The following MAS1 variants were observed in gnomAD, a reference collection of about 807,000 sequenced individuals.
MAS1 encodes the protein proto-oncogene Mas.
For missense variants in MAS1, 387 were observed against 409.7 expected, an observed-to-expected ratio of 0.94 and a Z score of 0.48; for synonymous variants, 163 against 164.2, an observed-to-expected ratio of 0.99 and a Z score of 0.05.
chr6:159,896,802 G>A, intron 1 of MAS1, among the ~76,000 whole-genome samples: 1 of 152,162 alleles, frequency 6.6e-6, no homozygotes, highest in East Asian at 1.9e-4. Context: ...AGCTAAACTA[G>A]AGACCAGAGT....
rs150307799 is a variant in MAS1 at position 159,894,068 on chromosome 6, T to C, written c.-244+2935T>C. On this transcript the variant is annotated intron_variant, in intron 1 of 2. Transcript: ENST00000674077. ...TGGAGATACCCAGGACATTTGGGTATATGGGTCTGACATGCTGGGGAGATG... is the reference window on the plus strand; with the variant it reads ...TGGAGATACCCAGGACATTTGGGTACATGGGTCTGACATGCTGGGGAGATG... Among the ~76,000 whole-genome samples the C allele has an allele frequency of 3.5e-3, 529 of 152,128 alleles. 2 individuals carry two copies. The highest frequency in any genetic ancestry group is 0.011 in the African/African-American group (446 of 41,484).
rs1281806844 is a variant in MAS1 at position 159,914,105 on chromosome 6, T to G, written c.*6172T>G. ...CCAACAGTTTTAATTATTTCTGGGG[T>G]TTTTTTGGTCAAATTTCTCATGTTG... On this transcript the variant is annotated 3_prime_UTR_variant, in exon 3 of 3. Transcript: ENST00000674077. 1.3e-5 allele frequency: 2 copies of G among 152,270 alleles called. No individual in the cohort carries two copies. Among genetic ancestry groups the G allele is most frequent in the African/African-American group, 2.4e-5 (1 of 41,556 alleles). 9.4% of individuals were successfully genotyped at this position (152,270 alleles called of 1,614,324 possible).
intron 1 of MAS1, among the ~76,000 whole-genome samples, chr6:159,895,764 G>A (rs1782748335): frequency 6.6e-6 from 1 of 152,172 alleles, no homozygotes; most frequent in South Asian, 2.1e-4. Context: ...TTTATATACT[G>A]TTGATGTTGG....
At chr6:159,898,716 TCCTC>T (rs1782790663) in intron 1 of MAS1, among the ~76,000 whole-genome samples, 1 of 132,112 alleles carries the variant, frequency 7.6e-6, no homozygotes, top group Non-Finnish European at 1.6e-5. Flanking sequence ...TCCTCCCTCT[TCCTC>T]CTCCTCCCTC....
Position 159,907,813 on chromosome 6 carries a change from TAAG to T in MAS1, c.866_868del (p.Lys289del), listed in dbSNP as rs1478171526. On this transcript the variant is annotated inframe_deletion, in exon 3 of 3. Transcript: ENST00000674077. ...TCATTTACTTCTTTGTGGGAAGCAG[TAAG>T]AAGAAGAGATTCAAGGAGTCCTTAA... 1.2e-6 allele frequency: 2 copies of T among 1,612,908 alleles called. No individual in the cohort carries two copies. Among genetic ancestry groups the T allele is most frequent in the Non-Finnish European group, 8.5e-7 (1 of 1,179,812 alleles).
chr6:159,894,495 C>T (rs902065960), intron 1 of MAS1, among the ~76,000 whole-genome samples: 4 of 150,724 alleles, frequency 2.7e-5, no homozygotes, highest in Non-Finnish European at 3.0e-5. Context: ...AGAGATCCAG[C>T]GAAGGAGAAA....
chr6:159,897,269 G>T (rs753415353), intron 1 of MAS1, among the ~76,000 whole-genome samples: 9 of 152,150 alleles, frequency 5.9e-5, no homozygotes, highest in Non-Finnish European at 1.2e-4. Context: ...GTCACAGGAA[G>T]TTCAAGCAGT....
In MAS1 at chr6:159,914,944, A is replaced by G. The variant is rs979771276; in HGVS notation, c.*7011A>G. ...GGGAGTGGTGGCACAGTCCGAATTG[A>G]TTGTTTCTCTTACCAGTTCTGGCTT... On this transcript the variant is annotated 3_prime_UTR_variant, in exon 3 of 3. Transcript: ENST00000674077. The G allele has an allele frequency of 5.3e-5, 8 of 152,122 alleles. No homozygotes were observed. The highest frequency in any genetic ancestry group is 8.8e-5 in the Non-Finnish European group (6 of 68,042). 9.4% of individuals were successfully genotyped at this position (152,122 alleles called of 1,614,324 possible). A position where few individuals can be genotyped will look rare whatever the true frequency, so the allele number is the denominator to read the frequency against.
At position 159,907,699 on chromosome 6, in the gene MAS1, C is replaced by T. The variant is rs763866112; in HGVS notation, c.744C>T (p.Tyr248=). The change falls in exon 3 of 3, where the codon TAC becomes TAT. Residue 248 remains tyrosine (Y), a synonymous_variant. Transcript: ENST00000674077. ...TCGCTATGCCCATGAGACTCCTTTA[C>T]CTGCTGTACTATGAGTATTGGTCGA... ...LIFAMPMRLL[Y]LLYYEYWSTF... 1.9e-6 allele frequency: 3 copies of T among 1,613,668 alleles called. No homozygotes were observed. The highest frequency in any genetic ancestry group is 2.5e-6 in the Non-Finnish European group (3 of 1,179,946).
Position 159,908,092 on chromosome 6 carries a change from G to T in MAS1, c.*159G>T. 1 of 725,348 alleles carries T rather than the reference G, an allele frequency of 1.4e-6. No homozygotes were observed. 44.9% of individuals were successfully genotyped at this position (725,348 alleles called of 1,614,324 possible). A position where few individuals can be genotyped will look rare whatever the true frequency, so the allele number is the denominator to read the frequency against. ...AATGATGAAATTGAACTCTTGTACT[G>T]TATCTTCTGGAAATGACCTGTCATT... is the stretch of plus-strand genomic sequence containing the variant. On this transcript the variant is annotated 3_prime_UTR_variant, in exon 3 of 3. Coordinates refer to ENST00000674077, the MANE Select transcript of MAS1 (RefSeq NM_002377.4).
Position 159,913,989 on chromosome 6 carries a change from G to A in MAS1, c.*6056G>A, listed in dbSNP as rs1782993570. On this transcript the variant is annotated 3_prime_UTR_variant, in exon 3 of 3. Transcript: ENST00000674077. ...TGAATTGTTAAAGCAAATTCAGAGT[G>A]ACTTACAGATCTTACCCAACATGAA... is the stretch of plus-strand genomic sequence containing the variant. 1 of 152,166 alleles carries A rather than the reference G, an allele frequency of 6.6e-6. No individual in the cohort carries two copies. Among genetic ancestry groups the A allele is most frequent in the Non-Finnish European group, 1.5e-5 (1 of 68,024 alleles). 9.4% of individuals were successfully genotyped at this position (152,166 alleles called of 1,614,324 possible). A position where few individuals can be genotyped will look rare whatever the true frequency, so the allele number is the denominator to read the frequency against.
At chr6:159,891,296 C>T (rs575294149) in intron 1 of MAS1, among the ~76,000 whole-genome samples, 163 bp downstream of exon 1, 1 of 152,276 alleles carries the variant, frequency 6.6e-6, no homozygotes, top group South Asian at 2.1e-4. Flanking sequence ...TGTGTGTTGG[C>T]AAAAACTTCT....
chr6:159,895,503 G>GTATAACA (rs1328009171), intron 1 of MAS1, among the ~76,000 whole-genome samples: 5 of 152,190 alleles, frequency 3.3e-5, no homozygotes, highest in Non-Finnish European at 7.4e-5. Context: ...ATGTTGTAAC[G>GTATAACA]TATAACATAT....
intron 2 of MAS1, among the ~76,000 whole-genome samples, chr6:159,905,155 C>T (rs1403593270): frequency 2.0e-5 from 3 of 152,240 alleles, no homozygotes; most frequent in Non-Finnish European, 4.4e-5. Context: ...GGGATACAGA[C>T]TCCACCAGGC....
upstream of MAS1, among the ~76,000 whole-genome samples, chr6:159,889,869 C>G (rs1782677965): frequency 6.6e-6 from 1 of 152,196 alleles, no homozygotes; most frequent in Non-Finnish European, 1.5e-5. Flanking sequence ...AGGCTTCCCA[C>G]AAGAGTAGTT....
chr6:159,910,691 A>C lies in MAS1; in HGVS notation c.*2758A>C, dbSNP rs989300453. On this transcript the variant is annotated 3_prime_UTR_variant, in exon 3 of 3. Coordinates refer to ENST00000674077, the MANE Select transcript of MAS1 (RefSeq NM_002377.4). ...ACTCAAATTGCTTCCACCTAACCAG[A>C]AGCCATTCCTTGCCCCACAGCCCTT... 2.0e-5 allele frequency: 3 copies of C among 152,108 alleles called. No individual in the cohort carries two copies. Among genetic ancestry groups the C allele is most frequent in the Admixed American group, 2.0e-4 (3 of 15,270 alleles). The allele number at this position is 152,108 out of a possible 1,614,324, so 9.4% of individuals were successfully genotyped here. A position where few individuals can be genotyped will look rare whatever the true frequency, so the allele number is the denominator to read the frequency against.
Position 159,909,801 on chromosome 6 carries a change from T to C in MAS1, c.*1868T>C, listed in dbSNP as rs1782944899. On this transcript the variant is annotated 3_prime_UTR_variant, in exon 3 of 3. Coordinates refer to ENST00000674077, the MANE Select transcript of MAS1 (RefSeq NM_002377.4). ...CTATCAGATACAAGGAATTTCTACC[T>C]AAGGAAAATATGGTGAACTAATAGG... is the stretch of plus-strand genomic sequence containing the variant. 1 of 152,108 alleles carries C rather than the reference T, an allele frequency of 6.6e-6. No individual in the cohort carries two copies. The highest frequency in any genetic ancestry group is 1.5e-5 in the Non-Finnish European group (1 of 68,004). The allele number at this position is 152,108 out of a possible 1,614,324, so 9.4% of individuals were successfully genotyped here.
intron 1 of MAS1, among the ~76,000 whole-genome samples, chr6:159,896,165 C>G (rs1782752026): frequency 6.6e-6 from 1 of 151,444 alleles, no homozygotes; most frequent in African/African-American, 2.4e-5. Flanking sequence ...AAAAACTCAG[C>G]TGGCATGGTG....
rs1244262539 is a variant in MAS1, at chr6:159,912,643, A to G, written c.*4710A>G. 2 of 152,242 alleles carry G rather than the reference A, an allele frequency of 1.3e-5. No individual in the cohort carries two copies. The highest frequency in any genetic ancestry group is 3.8e-4 in the East Asian group (2 of 5,196). 9.4% of individuals were successfully genotyped at this position (152,242 alleles called of 1,614,324 possible). On this transcript the variant is annotated 3_prime_UTR_variant, in exon 3 of 3. Transcript: ENST00000674077. Reference sequence around the variant, plus strand: ...TTGATATGAAAACATTAGCAAATGTATCACTTATAAAATGGGTACCATCAG... The same window carrying G: ...TTGATATGAAAACATTAGCAAATGTGTCACTTATAAAATGGGTACCATCAG...
Sources: gnomAD v4.1 joint callset for allele counts (sites outside exome capture counted in the v4.1 genomes callset) on GRCh38, gnomAD v4.1.1 for gene constraint, MANE v1.5 for transcripts, NCBI Gene and HGNC (gene_info 2026-07-23, HGNC 2026-07-21) for gene names.